TMEM26: variants seen among roughly 807,000 people sequenced by gnomAD.
The protein encoded by TMEM26 is transmembrane protein 26.
A neutral mutation model predicts 28.8 loss-of-function variants in TMEM26; 38 were observed. That is an observed-to-expected ratio of 1.32 (90% CI 1.02 to 1.73). The LOEUF is 1.73. Among genes scored for constraint, TMEM26 ranks in the 40% most tolerant of loss-of-function variants. The pLI is 0.00. For synonymous variants in TMEM26, 227 were observed against 182.9 expected, an observed-to-expected ratio of 1.24 and a Z score of -1.95; for missense variants, 518 against 447.1, an observed-to-expected ratio of 1.16 and a Z score of -1.43.
chr10:61,413,716 AAAAT>A, intron 4 of TMEM26, 181 bp from the exon 5 acceptor site: 4 of 1,302,842 alleles, frequency 3.1e-6, no homozygotes, highest in Non-Finnish European at 3.9e-6. Flanking sequence ...GAAGAAGTGA[AAAAT>A]AAATAATCTG....
intron 5 of TMEM26, among the ~76,000 whole-genome samples, chr10:61,411,210 G>A (rs967090725): frequency 2.6e-5 from 4 of 152,176 alleles, no homozygotes; most frequent in South Asian, 2.1e-4. Context: ...AGTTGCTGGC[G>A]GGGTCACTAA....
At chr10:61,431,168 C>G (rs1247842148) in intron 3 of TMEM26, 51 bp downstream of exon 3, 2 of 1,461,002 alleles carry the variant, frequency 1.4e-6, no homozygotes, top group Admixed American at 1.7e-5. Context: ...GAGGATTATA[C>G]CAAGTCCACC....
chr10:61,420,723 T>TAA (rs200958809), intron 4 of TMEM26, among the ~76,000 whole-genome samples: 1 of 142,396 alleles, frequency 7.0e-6, no homozygotes, highest in African/African-American at 2.6e-5. Flanking sequence ...ATTTCCAGAT[T>TAA]AAAAAAAAAA....
intron 2 of TMEM26, among the ~76,000 whole-genome samples, chr10:61,435,582 G>A (rs776166720): frequency 6.6e-6 from 1 of 152,070 alleles, no homozygotes; most frequent in Non-Finnish European, 1.5e-5. Flanking sequence ...TCTTAGTTTC[G>A]GGGCTCTAGA....
rs368290402 is a variant in TMEM26, at chr10:61,431,224, C to G, written c.379G>C (p.Glu127Gln). The change falls in exon 3 of 6, where the codon GAG becomes CAG. Residue 127 changes from glutamate (E) to glutamine (Q), a missense_variant. By Grantham distance (29) the Glu-to-Gln change is conservative. Coordinates refer to ENST00000399298, the MANE Select transcript of TMEM26 (RefSeq NM_178505.8). ...EQTSRADDLI[E>Q]TAKVFVNNLS... ...AACAGTGGAAAAGCTCTCACCGTCT[C>G]AATGAGATCATCAGCTCTACTGGTT... The G allele has an allele frequency of 1.2e-6, 2 of 1,612,106 alleles. No homozygotes were observed. Among genetic ancestry groups the G allele is most frequent in the African/African-American group, 2.7e-5 (2 of 74,846 alleles).
At chr10:61,433,926 C>T (rs1461829114) in intron 2 of TMEM26, among the ~76,000 whole-genome samples, 1 of 152,080 alleles carries the variant, frequency 6.6e-6, no homozygotes, top group East Asian at 1.9e-4. Flanking sequence ...CTTTCTGAGT[C>T]TCAGGATCCT....
intron 5 of TMEM26, among the ~76,000 whole-genome samples, chr10:61,411,064 A>G (rs1020015404): frequency 1.3e-5 from 2 of 152,182 alleles, no homozygotes; most frequent in Admixed American, 6.5e-5. Context: ...TGTGAGGCTG[A>G]GGCTGCACCA....
At chr10:61,411,393 A>T (rs886123040) in intron 5 of TMEM26, among the ~76,000 whole-genome samples, 2 of 152,204 alleles carry the variant, frequency 1.3e-5, no homozygotes, top group Non-Finnish European at 2.9e-5. Context: ...TGCTTGAATG[A>T]TAAGCTTAAG....
intron 5 of TMEM26, among the ~76,000 whole-genome samples, chr10:61,412,604 G>T (rs144903984): frequency 5.4e-4 from 82 of 152,108 alleles, no homozygotes; most frequent in Non-Finnish European, 9.0e-4. Flanking sequence ...AAAATTCTAG[G>T]GTTCCAAGAA....
At position 61,429,037 on chromosome 10, in the gene TMEM26, A is replaced by G. The variant is rs200406875; in HGVS notation, c.494T>C (p.Ile165Thr). 1.7e-4 allele frequency: 267 copies of G among 1,613,288 alleles called. No homozygotes were observed. The highest frequency in any genetic ancestry group is 2.1e-4 in the Non-Finnish European group (253 of 1,179,440). Residue 165 changes from isoleucine to threonine, a missense_variant, in exon 4 of 6, where the codon ATT (isoleucine) becomes ACT (threonine). Physicochemically the swap from Ile to Thr is moderately conservative, Grantham distance 89. Coordinates refer to ENST00000399298, the MANE Select transcript of TMEM26 (RefSeq NM_178505.8). ...TTGATCTCGAGTGATCCCGCCTCCA[A>G]TGGGTAGAAGCCATCTTCCAATTAT... ...MLIIGRWLLPIGGGITRDQLS... is the reference protein window; with the variant it reads ...MLIIGRWLLPTGGGITRDQLS...
intron 4 of TMEM26, among the ~76,000 whole-genome samples, chr10:61,427,444 A>C (rs182672774): frequency 1.1e-3 from 161 of 152,142 alleles, no homozygotes; most frequent in African/African-American, 3.7e-3. Flanking sequence ...GAGTGAAAAA[A>C]TGCCTTATGG....
rs753106076 is a variant in TMEM26, at chr10:61,413,467, T to C, written c.674A>G (p.Asp225Gly). ...AACATCAGGATACTTACCTGCCAGG[T>C]CAAGTGGAAACTGCAGCATGCTCCA... Reference protein sequence around the residue: ...WTWSMLQFPLDLAVQNVVCPV... With the variant: ...WTWSMLQFPLGLAVQNVVCPV... The change falls in exon 5 of 6, where the codon GAC (aspartate) becomes GGC (glycine). Residue 225 changes from aspartate to glycine, a missense_variant. Physicochemically the swap from Asp to Gly is moderately conservative, Grantham distance 94. Transcript: ENST00000399298. The C allele has an allele frequency of 4.3e-6, 7 of 1,612,848 alleles. No individual in the cohort carries two copies. Among genetic ancestry groups the C allele is most frequent in the Non-Finnish European group, 5.9e-6 (7 of 1,179,266 alleles).
rs1026593297 is a variant in TMEM26, at chr10:61,408,345, G to A, written c.*1977C>T. On this transcript the variant is annotated 3_prime_UTR_variant, in exon 6 of 6. Coordinates refer to ENST00000399298, the MANE Select transcript of TMEM26 (RefSeq NM_178505.8). The stretch of plus-strand genomic sequence containing the variant: ...ATTTAAACACTAGAAACTCATTCAC[G>A]AAGCCAAGCCAAGTCTCAGATTTGA... The A allele has an allele frequency of 2.6e-5, 4 of 152,060 alleles. No individual in the cohort carries two copies. The highest frequency in any genetic ancestry group is 2.1e-4 in the South Asian group (1 of 4,830). 9.4% of individuals were successfully genotyped at this position (152,060 alleles called of 1,614,324 possible).
chr10:61,451,643 T>C (rs897822614), intron 1 of TMEM26, among the ~76,000 whole-genome samples: 5 of 152,184 alleles, frequency 3.3e-5, no homozygotes, highest in African/African-American at 7.2e-5. Context: ...TCACGCTTAA[T>C]AAATTCTTCA....
chr10:61,450,606 C>T (rs1272394330), intron 1 of TMEM26, among the ~76,000 whole-genome samples: 2 of 152,110 alleles, frequency 1.3e-5, no homozygotes, highest in Non-Finnish European at 2.9e-5. Flanking sequence ...TACCAAGACT[C>T]ATTTGTTGCT....
At chr10:61,437,808 AC>A (rs1297734975) in intron 1 of TMEM26, among the ~76,000 whole-genome samples, 4 of 152,172 alleles carry the variant, frequency 2.6e-5, no homozygotes, top group African/African-American at 9.7e-5. Context: ...AAATAAAAAA[AC>A]AAATTGAACT....
At chr10:61,450,363 C>T (rs548740208) in intron 1 of TMEM26, among the ~76,000 whole-genome samples, 49 of 152,180 alleles carry the variant, frequency 3.2e-4, no homozygotes, top group African/African-American at 1.1e-3. Context: ...AATACTTCAC[C>T]TAGAAAGGGA....
At chr10:61,441,323 T>C (rs1041163297) in intron 1 of TMEM26, among the ~76,000 whole-genome samples, 1 of 152,262 alleles carries the variant, frequency 6.6e-6, no homozygotes, top group Non-Finnish European at 1.5e-5. Flanking sequence ...TAAATTGATT[T>C]TTATTGGAAG....
chr10:61,413,012 G>C (rs576420446), intron 5 of TMEM26: 73 of 1,224,134 alleles, frequency 6.0e-5, no homozygotes, highest in Admixed American at 3.9e-4. Flanking sequence ...AAAAAAGAAT[G>C]AAAATTACTT....
Sources: gnomAD v4.1 joint callset for allele counts (sites outside exome capture counted in the v4.1 genomes callset) on GRCh38, gnomAD v4.1.1 for gene constraint, MANE v1.5 for transcripts, NCBI Gene and HGNC (gene_info 2026-07-23, HGNC 2026-07-21) for gene names.